Variants in NTAQ1 observed in about 807,000 individuals in gnomAD.
NTAQ1 encodes protein N-terminal glutamine amidohydrolase.
Under a neutral mutation model 28.2 loss-of-function variants are expected in NTAQ1, and 21 were observed. The observed-to-expected ratio is 0.74, with a 90% CI of 0.53 to 1.07. The LOEUF is 1.07. NTAQ1 is among the 50% of genes least tolerant of loss of function. The pLI, the probability that NTAQ1 is intolerant of heterozygous loss-of-function variation, is 0.00. For synonymous variants in NTAQ1, 105 were observed against 90.0 expected (o/e 1.17, Z -0.94); for missense variants, 264 against 256.6 (o/e 1.03, Z -0.20).
Position 123,427,949 on chromosome 8 carries a change from G to T in NTAQ1, c.109G>T (p.Glu37Ter). 4.3e-6 allele frequency: 7 copies of T among 1,609,424 alleles called. No individual in the cohort carries two copies. The highest frequency in any genetic ancestry group is 5.9e-6 in the Non-Finnish European group (7 of 1,178,156). Reference protein sequence around the residue: ...YCEENIWKLCEYIKNHDQYPL... With the variant: ...YCEENIWKLC ...TGAAGAAAATATTTGGAAGCTCTGT[G>T]AATACATCAAAAACCATGACCAGTA... Residue 37 changes from glutamate to a stop codon, truncating the protein, a stop_gained, in exon 2 of 6, where the codon GAA becomes TAA. Coordinates refer to ENST00000287387, the MANE Select transcript of NTAQ1 (RefSeq NM_018024.3). LOFTEE classifies it high-confidence loss of function.
intron 5 of NTAQ1, among the ~76,000 whole-genome samples, 185 bp downstream of exon 5, chr8:123,437,519 C>T (rs979976181): frequency 2.6e-5 from 4 of 151,980 alleles, no homozygotes; most frequent in Admixed American, 6.6e-5. Flanking sequence ...CTGGCTAACA[C>T]GGTGAAACCC....
At chr8:123,470,881 C>T (rs1563910541), downstream of NTAQ1, among the ~76,000 whole-genome samples, 1 of 151,688 alleles carries the variant, frequency 6.6e-6, no homozygotes, top group East Asian at 1.9e-4. Context: ...AAAGTCATAT[C>T]GTCATCCTCT....
intron 1 of NTAQ1, among the ~76,000 whole-genome samples, chr8:123,418,447 C>CA (rs11447317): frequency 0.36 from 45,459 of 126,048 alleles, 7,579 homozygotes; most frequent in East Asian, 0.55. Flanking sequence ...GACTCCATCT[C>CA]AAAAAAAAAA....
Position 123,442,111 on chromosome 8 carries a change from ATATT to A in NTAQ1, c.*701_*704del, listed in dbSNP as rs1815098144. 1.3e-5 allele frequency: 2 copies of A among 152,476 alleles called. No homozygotes were observed. The highest frequency in any genetic ancestry group is 4.1e-4 in the South Asian group (2 of 4,830). The allele number at this position is 152,476 out of a possible 1,614,324, so 9.4% of individuals were successfully genotyped here. On this transcript the variant is annotated 3_prime_UTR_variant, in exon 6 of 6. Coordinates refer to ENST00000287387, the MANE Select transcript of NTAQ1 (RefSeq NM_018024.3). Reference sequence around the variant, plus strand: ...TAGATGAGAACCAGGGCTTTAAAAAATATTTATTACATGTGCCTTCTGGAAGACA... The same window carrying A: ...TAGATGAGAACCAGGGCTTTAAAAAATATTACATGTGCCTTCTGGAAGACA...
intron 6 of NTAQ1, among the ~76,000 whole-genome samples, chr8:123,455,445 G>C (rs1364214766): frequency 2.1e-5 from 1 of 46,978 alleles, no homozygotes; most frequent in Admixed American, 2.3e-4. Context: ...TTTTTTTTTT[G>C]AGACGGAGTC....
chr8:123,456,176 C>A (rs1205565516), intron 6 of NTAQ1, among the ~76,000 whole-genome samples: 1 of 152,134 alleles, frequency 6.6e-6, no homozygotes, highest in Non-Finnish European at 1.5e-5. Context: ...TGCAGAGGTT[C>A]CTATAATCTG....
chr8:123,463,071 C>T (rs1398235688), intron 6 of NTAQ1, among the ~76,000 whole-genome samples: 3 of 152,180 alleles, frequency 2.0e-5, no homozygotes, highest in African/African-American at 7.2e-5. Flanking sequence ...TATTCCTGCT[C>T]TTTGTAGGGA....
At chr8:123,434,479 T>G (rs962120749) in intron 3 of NTAQ1, among the ~76,000 whole-genome samples, 3 of 151,914 alleles carry the variant, frequency 2.0e-5, no homozygotes, top group African/African-American at 7.3e-5. Flanking sequence ...ATACAAAAAT[T>G]AGCTGGGTGT....
At chr8:123,474,931 G>A (rs1816075902), downstream of NTAQ1, among the ~76,000 whole-genome samples, 1 of 152,140 alleles carries the variant, frequency 6.6e-6, no homozygotes, top group Admixed American at 6.5e-5. Context: ...CCTGTTTCTT[G>A]TACCTTCACC....
At chr8:123,468,866 C>G (rs887880077) in exon 7 of NTAQ1, among the ~76,000 whole-genome samples, 1 of 152,214 alleles carries the variant, frequency 6.6e-6, no homozygotes, top group African/African-American at 2.4e-5. Flanking sequence ...TCTTTACCAG[C>G]AAGCACTTGT....
chr8:123,455,705 A>C (rs1172964968), intron 6 of NTAQ1, among the ~76,000 whole-genome samples: 1 of 152,114 alleles, frequency 6.6e-6, no homozygotes, highest in Non-Finnish European at 1.5e-5. Flanking sequence ...GATTACAGGC[A>C]TGAGCCACCG....
downstream of NTAQ1, among the ~76,000 whole-genome samples, chr8:123,444,600 G>A (rs1014490242): frequency 5.3e-5 from 8 of 152,166 alleles, no homozygotes; most frequent in Admixed American, 1.3e-4. Context: ...TCTGCCTCCC[G>A]GGTTCACGCC....
downstream of NTAQ1, among the ~76,000 whole-genome samples, chr8:123,445,585 A>G (rs1399559595): frequency 2.6e-5 from 4 of 152,130 alleles, no homozygotes; most frequent in African/African-American, 7.2e-5. Flanking sequence ...AAAATTTCCA[A>G]GGTGAATTTT....
At chr8:123,426,909 G>A (rs958775513) in intron 1 of NTAQ1, among the ~76,000 whole-genome samples, 1 of 151,414 alleles carries the variant, frequency 6.6e-6, no homozygotes, top group African/African-American at 2.4e-5. Flanking sequence ...GCAGTGAGCC[G>A]AGATCACACC....
At chr8:123,437,468 C>A in intron 5 of NTAQ1, 134 bp downstream of exon 5, 2 of 1,293,962 alleles carry the variant, frequency 1.5e-6, no homozygotes, top group Non-Finnish European at 2.1e-6. Flanking sequence ...CTTTGGGAGG[C>A]CGAGGTGGGC....
In NTAQ1 at chr8:123,447,869, C is replaced by T. The variant is rs555854372; in HGVS notation, c.*83-178C>T. 1.1e-3 allele frequency among the ~76,000 whole-genome samples: 172 copies of T among 152,324 alleles called. 1 individual carries two copies. The South Asian group carries it at 0.034, about 30-fold the overall frequency. On this transcript the variant is annotated intron_variant, in intron 6 of 6. Transcript: ENST00000524254. ...TAGTTTGCTGTCCCTTGTTCTACAG[C>T]AACAGAGCTGTGACTGGTGTGTGGC...
At chr8:123,428,347 C>T (rs1814194594) in intron 2 of NTAQ1, among the ~76,000 whole-genome samples, 1 of 151,956 alleles carries the variant, frequency 6.6e-6, no homozygotes, top group South Asian at 2.1e-4. Context: ...CAGGCATGTG[C>T]CACCACGCCC....
At chr8:123,440,511 T>C (rs1814997530) in intron 5 of NTAQ1, among the ~76,000 whole-genome samples, 1 of 149,718 alleles carries the variant, frequency 6.7e-6, no homozygotes, top group African/African-American at 2.5e-5. Context: ...TCTTTTTTTT[T>C]TTTTTTTAGA....
intron 1 of NTAQ1, among the ~76,000 whole-genome samples, chr8:123,422,916 T>A (rs1188956251): frequency 6.6e-6 from 1 of 152,220 alleles, no homozygotes; most frequent in Non-Finnish European, 1.5e-5. Context: ...TCCCCATTGC[T>A]TGTTATTGGA....
Sources: allele counts gnomAD v4.1 joint callset (sites outside exome capture counted in the v4.1 genomes callset), GRCh38; gene constraint gnomAD v4.1.1; transcripts MANE v1.5; gene names NCBI Gene and HGNC (gene_info 2026-07-23, HGNC 2026-07-21).